RFC1: variants seen among roughly 807,000 people sequenced by gnomAD.
RFC1 encodes replication factor C subunit 1.
Under a neutral mutation model 137.4 loss-of-function variants are expected in RFC1, and 37 were observed. The ratio of observed to expected loss-of-function variants is 0.27; its 90% CI spans 0.21 to 0.35. RFC1 has a LOEUF of 0.35. RFC1 is among the 10% of genes least tolerant of loss of function. The probability of loss-of-function intolerance (pLI) is 1.00; values close to 1 mark genes in which losing one functional copy is unlikely to be tolerated. For synonymous variants in RFC1, 429 were observed against 455.7 expected (o/e 0.94, Z 0.75); for missense variants, 1,205 against 1,358.5 (o/e 0.89, Z 1.78).
intron 4 of RFC1, among the ~76,000 whole-genome samples, chr4:39,340,713 G>A (rs1740570304): frequency 6.6e-6 from 1 of 151,794 alleles, no homozygotes; most frequent in South Asian, 2.1e-4. Flanking sequence ...ATGAAGGAAA[G>A]GGCTTATCTT....
At chr4:39,290,370 CT>C (rs1298728992) in intron 23 of RFC1, among the ~76,000 whole-genome samples, 1 of 99,736 alleles carries the variant, frequency 1.0e-5, no homozygotes, top group Admixed American at 8.7e-5. Context: ...GAGATTCTGT[CT>C]AAAAAAAAAA....
chr4:39,324,752 A>G (rs1739678958), intron 6 of RFC1, among the ~76,000 whole-genome samples: 1 of 152,304 alleles, frequency 6.6e-6, no homozygotes, highest in East Asian at 1.9e-4. Context: ...GGGACCTTAG[A>G]GCCTATACTT....
chr4:39,292,379 G>A (rs1737724074), intron 22 of RFC1, among the ~76,000 whole-genome samples: 1 of 152,086 alleles, frequency 6.6e-6, no homozygotes, highest in Non-Finnish European at 1.5e-5. Context: ...AAATTACAGA[G>A]TGTTCCCACA....
At chr4:39,308,201 C>CT (rs1454141926) in intron 13 of RFC1, among the ~76,000 whole-genome samples, 1 of 152,122 alleles carries the variant, frequency 6.6e-6, no homozygotes, top group Non-Finnish European at 1.5e-5. Context: ...TGTCACATGG[C>CT]TTCAGACCTT....
At chr4:39,291,604 A>G in intron 23 of RFC1, 35 bp downstream of exon 23, 2 of 1,441,588 alleles carry the variant, frequency 1.4e-6, no homozygotes, top group Non-Finnish European at 2.0e-6. Context: ...CTGGTAATAG[A>G]AAGTGACGAA....
chr4:39,348,454 GAA>G (rs1311652393), intron 2 of RFC1, among the ~76,000 whole-genome samples: 3 of 136,072 alleles, frequency 2.2e-5, no homozygotes, highest in Non-Finnish European at 4.9e-5. Context: ...GAAAAGAAAA[GAA>G]AAGAAAAGAA....
chr4:39,334,793 A>G (rs186576332), intron 4 of RFC1, among the ~76,000 whole-genome samples: 41 of 152,354 alleles, frequency 2.7e-4, no homozygotes, highest in African/African-American at 9.9e-4. Context: ...TTTTATTTAT[A>G]GGCAACATAA....
intron 7 of RFC1, 28 bp from the exon 8 acceptor site, chr4:39,321,402 T>G (rs753072224): frequency 6.3e-7 from 1 of 1,585,420 alleles, no homozygotes; most frequent in Non-Finnish European, 8.6e-7. Flanking sequence ...GTGTCAAATG[T>G]GACAAATAAT....
chr4:39,292,002 G>A (rs1411176428), intron 22 of RFC1, 150 bp from the exon 23 acceptor site: 6 of 639,584 alleles, frequency 9.4e-6, no homozygotes, highest in Non-Finnish European at 1.7e-5. Flanking sequence ...AGCTGGTGTA[G>A]TTTAGAAAGC....
Position 39,308,474 on chromosome 4 carries a change from A to C in RFC1, c.1885+162T>G, listed in dbSNP as rs543779904. On this transcript the variant is annotated intron_variant, in intron 13 of 24. Transcript: ENST00000349703. ...CCTGAGAGGGACTGTTTTGTTCACA[A>C]CACCACCAGCAGGGTCTAGTACTGC... Among the ~76,000 whole-genome samples, 260 of 152,112 alleles carry C rather than the reference A, an allele frequency of 1.7e-3. No individual in the cohort carries two copies. The highest frequency in any genetic ancestry group is 2.9e-3 in the Non-Finnish European group (200 of 68,006).
At chr4:39,314,014 A>G (rs1216204876) in intron 10 of RFC1, among the ~76,000 whole-genome samples, 2 of 152,368 alleles carry the variant, frequency 1.3e-5, no homozygotes, top group East Asian at 3.9e-4. Context: ...TATACATGAC[A>G]TTCCAAGTTA....
intron 14 of RFC1, among the ~76,000 whole-genome samples, chr4:39,306,233 A>G (rs981802207): frequency 6.6e-6 from 1 of 152,226 alleles, no homozygotes; most frequent in Non-Finnish European, 1.5e-5. Flanking sequence ...GGATGATGAC[A>G]GTACAGATAA....
At chr4:39,344,990 A>G (rs192996347) in intron 3 of RFC1, among the ~76,000 whole-genome samples, 4 of 152,270 alleles carry the variant, frequency 2.6e-5, no homozygotes, top group Admixed American at 1.3e-4. Flanking sequence ...AGAGCTACGT[A>G]TCTCAGAACA....
intron 23 of RFC1, among the ~76,000 whole-genome samples, chr4:39,290,812 C>CAAAAAAAAAA (rs36119185): frequency 7.7e-6 from 1 of 130,184 alleles, no homozygotes. Flanking sequence ...TAGACTGTCT[C>CAAAAAAAAAA]AAAAAAAAAA....
At chr4:39,365,876 C>T in intron 1 of RFC1, among the ~76,000 whole-genome samples, 1 of 152,312 alleles carries the variant, frequency 6.6e-6, no homozygotes, top group East Asian at 1.9e-4. Flanking sequence ...ACGCTTTAGG[C>T]AGTACTCAAA....
Position 39,290,047 on chromosome 4 carries a change from A to G in RFC1, c.3169-8T>C. ...TGTGAAGGCTGCTTTCACCTATATG[A>G]AAGGAGTAGATGGAGTTTTTAAAAA... is the stretch of plus-strand genomic sequence containing the variant. On this transcript the variant is annotated splice_polypyrimidine_tract_variant and splice_region_variant and intron_variant, in intron 23 of 24. Coordinates refer to ENST00000349703, the MANE Select transcript of RFC1 (RefSeq NM_002913.5). 6.3e-7 allele frequency: 1 copy of G among 1,596,412 alleles called. No homozygotes were observed. The highest frequency in any genetic ancestry group is 8.6e-7 in the Non-Finnish European group (1 of 1,168,378).
At chr4:39,357,639 C>CA (rs1270054667) in intron 1 of RFC1, among the ~76,000 whole-genome samples, 3 of 149,310 alleles carry the variant, frequency 2.0e-5, no homozygotes, top group African/African-American at 7.4e-5. Flanking sequence ...TCCCTTGAGA[C>CA]AGAGTCTTGC....
At chr4:39,345,720 C>CT (rs1466292889) in intron 2 of RFC1, among the ~76,000 whole-genome samples, 1 of 151,988 alleles carries the variant, frequency 6.6e-6, no homozygotes, top group East Asian at 1.9e-4. Flanking sequence ...CGGGGCTATC[C>CT]TTTTTTCTCG....
intron 4 of RFC1, among the ~76,000 whole-genome samples, chr4:39,335,731 G>A (rs1740315402): frequency 6.6e-6 from 1 of 152,230 alleles, no homozygotes; most frequent in African/African-American, 2.4e-5. Flanking sequence ...AAATCTGCCT[G>A]ACCACAGAGT....
Sources: gnomAD v4.1 joint callset for allele counts (sites outside exome capture counted in the v4.1 genomes callset) on GRCh38, gnomAD v4.1.1 for gene constraint, MANE v1.5 for transcripts, NCBI Gene and HGNC (gene_info 2026-07-23, HGNC 2026-07-21) for gene names.